PCAT7: variants seen among roughly 807,000 people sequenced by gnomAD.
The protein encoded by PCAT7 is prostate cancer associated transcript 7 (non-protein coding).
chr9:94,569,116 T>A (rs551652210), intron 2 of PCAT7: 14 of 152,410 alleles, frequency 9.2e-5, no homozygotes, highest in Admixed American at 7.8e-4. Context: ...GTGCCCTGAC[T>A]TGCTTTGAAT....
intron 2 of PCAT7, among the ~76,000 whole-genome samples, chr9:94,560,962 G>T (rs1827090075): frequency 6.6e-6 from 1 of 151,938 alleles, no homozygotes; most frequent in Non-Finnish European, 1.5e-5. Flanking sequence ...GTCCAGAAGG[G>T]TGTAAAAAAG....
intron 1 of PCAT7, among the ~76,000 whole-genome samples, chr9:94,557,371 C>T (rs564498578): frequency 1.4e-3 from 208 of 152,214 alleles, no homozygotes; most frequent in Middle Eastern, 6.8e-3. Flanking sequence ...TTTCCATTTA[C>T]TTGTGTCTGC....
In PCAT7 at chr9:94,567,287, T is replaced by C. The variant is rs770872181; in HGVS notation, n.442-5692T>C. 1.9e-6 allele frequency: 3 copies of C among 1,614,200 alleles called. No homozygotes were observed. In the Admixed American group the frequency reaches 5.0e-5, roughly 27 times the overall value. On this transcript the variant is annotated intron_variant and non_coding_transcript_variant, in intron 2 of 8. Transcript: ENST00000647389. The stretch of plus-strand genomic sequence containing the variant: ...TCACTCACCTCAGGGAATTTCTTTT[T>C]CTGCACATATTCAGTGGTGGCCGCA...
intron 3 of PCAT7, among the ~76,000 whole-genome samples, chr9:94,573,400 G>A (rs1587841819): frequency 6.6e-6 from 1 of 152,052 alleles, no homozygotes; most frequent in Admixed American, 6.6e-5. Flanking sequence ...CTGGGACTAC[G>A]GGTATGCACT....
chr9:94,564,327 T>C (rs994784358), intron 2 of PCAT7, among the ~76,000 whole-genome samples: 11 of 152,198 alleles, frequency 7.2e-5, no homozygotes, highest in Non-Finnish European at 1.6e-4. Context: ...CCCAAAGGAA[T>C]AGAAATCATT....
At chr9:94,564,979 A>G (rs1408574487) in intron 2 of PCAT7, among the ~76,000 whole-genome samples, 2 of 152,216 alleles carry the variant, frequency 1.3e-5, no homozygotes, top group Non-Finnish European at 2.9e-5. Context: ...GTCTGAGATG[A>G]TGGATTTCCT....
chr9:94,570,342 C>G (rs1346439795), intron 2 of PCAT7: 2 of 152,196 alleles, frequency 1.3e-5, no homozygotes, highest in African/African-American at 2.4e-5. Context: ...GAGCATGACT[C>G]CTGACACCAG....
intron 2 of PCAT7, chr9:94,570,095 T>C (rs1334634128): frequency 3.3e-5 from 5 of 152,218 alleles, no homozygotes; most frequent in African/African-American, 1.2e-4. Context: ...CTTCCTTCTG[T>C]CATGTTGACA....
intron 2 of PCAT7, chr9:94,568,725 C>G (rs1040006103): frequency 2.6e-5 from 4 of 152,170 alleles, no homozygotes; most frequent in Non-Finnish European, 5.9e-5. Context: ...GACTCAATAA[C>G]AAAAACAACT....
At chr9:94,555,578 G>C (rs1246226718) in intron 1 of PCAT7, among the ~76,000 whole-genome samples, 1 of 147,330 alleles carries the variant, frequency 6.8e-6, no homozygotes, top group Non-Finnish European at 1.5e-5. Context: ...AGAGGAAAGA[G>C]TGGTGAGGGG....
chr9:94,574,315 C>G (rs2131452629), intron 3 of PCAT7, among the ~76,000 whole-genome samples: 1 of 152,190 alleles, frequency 6.6e-6, no homozygotes, highest in African/African-American at 2.4e-5. Context: ...TTAATTCAGC[C>G]TGGTAAACAC....
intron 2 of PCAT7, chr9:94,571,511 AG>A (rs2131450802): frequency 6.2e-7 from 1 of 1,614,044 alleles, no homozygotes; most frequent in East Asian, 2.2e-5. Context: ...GAGAGCCACC[AG>A]GGTTGCACTA....
chr9:94,572,466 C>A (rs1827279722), intron 2 of PCAT7, among the ~76,000 whole-genome samples: 5 of 152,182 alleles, frequency 3.3e-5, no homozygotes, highest in Admixed American at 3.3e-4. Context: ...GCTTTGTAAA[C>A]CCGAATGTTC....
intron 2 of PCAT7, among the ~76,000 whole-genome samples, chr9:94,559,493 C>T (rs1827062015): frequency 6.6e-6 from 1 of 150,992 alleles, no homozygotes; most frequent in African/African-American, 2.5e-5. Context: ...TGGTGGAAGC[C>T]TTTATATGTG....
chr9:94,565,262 C>T (rs993816343), intron 2 of PCAT7, among the ~76,000 whole-genome samples: 1 of 151,348 alleles, frequency 6.6e-6, no homozygotes, highest in African/African-American at 2.4e-5. Context: ...GTAATCCCAG[C>T]TACTCGGGAG....
chr9:94,567,480 C>T lies in PCAT7; in HGVS notation n.442-5499C>T. 2.5e-6 allele frequency: 4 copies of T among 1,575,970 alleles called. No individual in the cohort carries two copies. In the South Asian group the frequency reaches 4.5e-5, roughly 18 times the overall value. On this transcript the variant is annotated intron_variant and non_coding_transcript_variant, in intron 2 of 8. Transcript: ENST00000647389. ...CAAGCCAACCGCACAATCCCCACAT[C>T]AGAGCAGGAGAAGATGGGGGCCTGC... is the stretch of plus-strand genomic sequence containing the variant.
intron 3 of PCAT7, among the ~76,000 whole-genome samples, chr9:94,573,399 C>T (rs966108409): frequency 1.3e-5 from 2 of 152,106 alleles, no homozygotes; most frequent in Admixed American, 6.5e-5. Context: ...GCTGGGACTA[C>T]GGGTATGCAC....
chr9:94,559,278 G>C, intron 2 of PCAT7: 1 of 669,818 alleles, frequency 1.5e-6, no homozygotes, highest in Middle Eastern at 4.2e-4. Flanking sequence ...GAGTGGGCCC[G>C]AGCTTTAGAG....
chr9:94,571,624 G>A (rs145254842), intron 2 of PCAT7: 2 of 1,601,078 alleles, frequency 1.2e-6, no homozygotes, highest in African/African-American at 2.7e-5. Flanking sequence ...AGGGATAAAT[G>A]CCATGTGTTA....
Sources: gnomAD v4.1 joint callset for allele counts (sites outside exome capture counted in the v4.1 genomes callset) on GRCh38, gnomAD v4.1.1 for gene constraint, MANE v1.5 for transcripts, NCBI Gene and HGNC (gene_info 2026-07-23, HGNC 2026-07-21) for gene names.